DCC: variants seen among roughly 807,000 people sequenced by gnomAD.
DCC encodes DCC netrin 1 receptor.
In DCC, 58 loss-of-function variants were observed where a neutral mutation model predicts 172.5. That is an observed-to-expected ratio of 0.34 (90% CI 0.27 to 0.42). DCC has a LOEUF of 0.42. DCC is among the 10% of genes least tolerant of loss of function. DCC has a pLI of 1.00. For missense variants in DCC, 1,740 were observed against 1,791.0 expected (o/e 0.97, Z 0.51); for synonymous variants, 709 against 644.5 (o/e 1.10, Z -1.52).
chr18:53,100,340 A>G (rs2043152774), intron 7 of DCC, among the ~76,000 whole-genome samples: 1 of 152,246 alleles, frequency 6.6e-6, no homozygotes, highest in Admixed American at 6.5e-5. Flanking sequence ...ATCAGGAGAG[A>G]CATATATAAA....
At chr18:52,444,524 C>G (rs2144502434) in intron 1 of DCC, among the ~76,000 whole-genome samples, 1 of 152,262 alleles carries the variant, frequency 6.6e-6, no homozygotes, top group South Asian at 2.1e-4. Flanking sequence ...GAGACAAAAG[C>G]ACACAAGAAT....
intron 5 of DCC, among the ~76,000 whole-genome samples, chr18:52,938,308 ATGTGATCATGAACCAAAC>A (rs1443896067): frequency 3.3e-5 from 5 of 152,156 alleles, no homozygotes; most frequent in African/African-American, 9.7e-5. Context: ...ATCACAGCAT[ATGTGATCATGAACCAAAC>A]TGTGGAAGTG....
intron 20 of DCC, among the ~76,000 whole-genome samples, chr18:53,412,969 G>A (rs1255567510): frequency 6.6e-6 from 1 of 152,100 alleles, no homozygotes; most frequent in African/African-American, 2.4e-5. Context: ...TGACCACATA[G>A]GAACCTGCAC....
At chr18:52,599,348 C>A (rs2033971321) in intron 1 of DCC, among the ~76,000 whole-genome samples, 1 of 152,014 alleles carries the variant, frequency 6.6e-6, no homozygotes, top group African/African-American at 2.4e-5. Context: ...ATATTTTGAG[C>A]TTTGAGGACA....
In DCC at chr18:53,087,215, C is replaced by G. The variant is rs186591584; in HGVS notation, c.1261+21049C>G. Among the ~76,000 whole-genome samples the G allele has an allele frequency of 1.6e-3, 242 of 152,158 alleles. 1 individual carries two copies. Among genetic ancestry groups the G allele is most frequent in the African/African-American group, 5.0e-3 (209 of 41,500 alleles). On this transcript the variant is annotated intron_variant, in intron 7 of 28. Coordinates refer to ENST00000442544, the MANE Select transcript of DCC (RefSeq NM_005215.4). ...ATGGTTGAACTAGTTTACAGTCCCA[C>G]CAACAGTGTAAAAGTGTTCCTATTT...
intron 27 of DCC, among the ~76,000 whole-genome samples, chr18:53,521,004 C>A (rs962089685): frequency 1.3e-5 from 2 of 152,038 alleles, no homozygotes; most frequent in Non-Finnish European, 2.9e-5. Context: ...ATTAATTCTA[C>A]CTTCCTCTCC....
intron 22 of DCC, among the ~76,000 whole-genome samples, chr18:53,448,436 A>G (rs889207489): frequency 6.6e-6 from 1 of 152,192 alleles, no homozygotes; most frequent in African/African-American, 2.4e-5. Context: ...ATTCACTATC[A>G]CAAGACCAGC....
At chr18:53,490,325 C>T (rs10164057) in intron 26 of DCC, among the ~76,000 whole-genome samples, 1 of 152,262 alleles carries the variant, frequency 6.6e-6, no homozygotes, top group South Asian at 2.1e-4. Flanking sequence ...GTGTTCATGA[C>T]TCAGTCTTTG....
intron 1 of DCC, among the ~76,000 whole-genome samples, chr18:52,583,193 G>C (rs2033593222): frequency 6.6e-6 from 1 of 152,022 alleles, no homozygotes; most frequent in Non-Finnish European, 1.5e-5. Context: ...GTTCTCTTTT[G>C]CCACTTCAGT....
intron 1 of DCC, among the ~76,000 whole-genome samples, chr18:52,504,452 A>C (rs1373838068): frequency 6.6e-6 from 1 of 152,104 alleles, no homozygotes; most frequent in African/African-American, 2.4e-5. Context: ...TCAGCTTTGA[A>C]TGAAAGCTCG....
intron 14 of DCC, among the ~76,000 whole-genome samples, chr18:53,325,371 A>G (rs2057455825): frequency 6.6e-6 from 1 of 152,264 alleles, no homozygotes; most frequent in South Asian, 2.1e-4. Context: ...AAGGGGTTAT[A>G]TCTCTTACTG....
intron 13 of DCC, among the ~76,000 whole-genome samples, chr18:53,317,931 C>T (rs2057362219): frequency 6.6e-6 from 1 of 152,090 alleles, no homozygotes; most frequent in South Asian, 2.1e-4. Context: ...AAACAATCAC[C>T]TCCTGGATTC....
chr18:53,255,765 C>G (rs998306086), intron 12 of DCC, among the ~76,000 whole-genome samples: 7 of 152,086 alleles, frequency 4.6e-5, no homozygotes, highest in East Asian at 1.9e-4. Context: ...ATTTCTAGTT[C>G]TAGATCCCTG....
At chr18:53,189,533 C>T (rs139384339) in intron 9 of DCC, among the ~76,000 whole-genome samples, 71 of 152,030 alleles carry the variant, frequency 4.7e-4, no homozygotes, top group African/African-American at 1.6e-3. Context: ...TATATACATA[C>T]ATTAATTAGC....
chr18:53,481,908 T>C (rs1251651621), intron 25 of DCC, among the ~76,000 whole-genome samples: 1 of 152,180 alleles, frequency 6.6e-6, no homozygotes, highest in East Asian at 1.9e-4. Flanking sequence ...TAAATTCAAT[T>C]GTCAGAAAGC....
At chr18:53,297,612 T>C (rs534168516) in intron 12 of DCC, among the ~76,000 whole-genome samples, 1 of 152,312 alleles carries the variant, frequency 6.6e-6, no homozygotes, top group African/African-American at 2.4e-5. Flanking sequence ...TAGGTTGTTT[T>C]ACAAAAATGT....
At chr18:53,246,020 C>T (rs531498095) in intron 12 of DCC, among the ~76,000 whole-genome samples, 11 of 152,152 alleles carry the variant, frequency 7.2e-5, no homozygotes, top group Middle Eastern at 3.4e-3. Flanking sequence ...CTACCTAACA[C>T]CATGTCTGCT....
In DCC at chr18:52,407,885, G is replaced by T. The variant is rs539579567; in HGVS notation, c.91+67007G>T. On this transcript the variant is annotated intron_variant, in intron 1 of 28. Coordinates refer to ENST00000442544, the MANE Select transcript of DCC (RefSeq NM_005215.4). ...TTTCTGTGGAGGCCATATATGGAAAGCAATGAGATAATCAAAAAATTCCTT... is the reference window on the plus strand; with the variant it reads ...TTTCTGTGGAGGCCATATATGGAAATCAATGAGATAATCAAAAAATTCCTT... 3.5e-4 allele frequency among the ~76,000 whole-genome samples: 54 copies of T among 152,134 alleles called. No homozygotes were observed. The South Asian group carries it at 0.011, about 32-fold the overall frequency.
At chr18:52,716,354 C>G (rs964274368) in intron 1 of DCC, among the ~76,000 whole-genome samples, 1 of 152,224 alleles carries the variant, frequency 6.6e-6, no homozygotes, top group Non-Finnish European at 1.5e-5. Context: ...TCCTCTTGCT[C>G]ACTTGTCAAC....
Sources: allele counts gnomAD v4.1 joint callset (sites outside exome capture counted in the v4.1 genomes callset), GRCh38; gene constraint gnomAD v4.1.1; transcripts MANE v1.5; gene names NCBI Gene and HGNC (gene_info 2026-07-23, HGNC 2026-07-21).